GRIK2: variants seen among roughly 807,000 people sequenced by gnomAD.
GRIK2 encodes glutamate receptor ionotropic, kainate 2.
A neutral mutation model predicts 100.3 loss-of-function variants in GRIK2; 32 were observed. The ratio of observed to expected loss-of-function variants is 0.32; its 90% CI spans 0.24 to 0.43. GRIK2 has a LOEUF of 0.43. Among genes scored for constraint, GRIK2 ranks in the 20% least tolerant of loss-of-function variants. The probability of loss-of-function intolerance (pLI) is 1.00; values close to 1 mark genes in which losing one functional copy is unlikely to be tolerated. For synonymous variants in GRIK2, 417 were observed against 389.4 expected (o/e 1.07, Z -0.83); for missense variants, 843 against 1,114.9 (o/e 0.76, Z 3.47).
intron 7 of GRIK2, among the ~76,000 whole-genome samples, chr6:101,729,318 A>G (rs1775093128): frequency 6.6e-6 from 1 of 151,942 alleles, no homozygotes; most frequent in Non-Finnish European, 1.5e-5. Flanking sequence ...AGATCTACCT[A>G]TGTATCAATC....
intron 7 of GRIK2, among the ~76,000 whole-genome samples, chr6:101,712,923 A>G (rs1562328214): frequency 2.0e-5 from 3 of 151,810 alleles, no homozygotes; most frequent in African/African-American, 7.2e-5. Flanking sequence ...TAAAAAGTAG[A>G]GCTCTTCAAA....
intron 12 of GRIK2, among the ~76,000 whole-genome samples, chr6:101,910,338 G>T (rs1031727702): frequency 9.9e-5 from 15 of 150,958 alleles, no homozygotes; most frequent in Middle Eastern, 3.4e-3. Context: ...ATTTTGTTTG[G>T]TTTTTTTAAA....
At chr6:101,639,033 C>T (rs1209071834) in intron 4 of GRIK2, among the ~76,000 whole-genome samples, 2 of 151,966 alleles carry the variant, frequency 1.3e-5, no homozygotes, top group South Asian at 2.1e-4. Context: ...GACTTGTCCA[C>T]GTAAAAGTTC....
chr6:101,876,609 A>G (rs1007225837), intron 11 of GRIK2, among the ~76,000 whole-genome samples: 47 of 151,878 alleles, frequency 3.1e-4, no homozygotes, highest in African/African-American at 1.1e-3. Context: ...GCAAAGTTCA[A>G]AGAGAGCTTA....
chr6:101,846,465 G>T (rs1290963180), intron 10 of GRIK2, among the ~76,000 whole-genome samples: 3 of 151,962 alleles, frequency 2.0e-5, no homozygotes, highest in Admixed American at 6.6e-5. Flanking sequence ...AAGGGACATT[G>T]GTATGTAGTT....
intron 2 of GRIK2, among the ~76,000 whole-genome samples, chr6:101,533,485 A>G (rs910179721): frequency 4.0e-5 from 6 of 151,798 alleles, no homozygotes; most frequent in African/African-American, 1.2e-4. Context: ...TGGGAGAAAG[A>G]TTTTTTTTCA....
chr6:101,847,637 C>T (rs1359524368), intron 10 of GRIK2, among the ~76,000 whole-genome samples: 5 of 152,062 alleles, frequency 3.3e-5, no homozygotes, highest in Non-Finnish European at 7.4e-5. Flanking sequence ...TTGGGGCACT[C>T]CTTTACTGTT....
rs183210766 is a variant in GRIK2, at chr6:102,010,486, C to T, written c.2086-24855C>T. Reference sequence around the variant, plus strand: ...GCAACCTCCGCCTCCTGAATTCAAGCGATTCTTCTGCCTCAGCCTCCCCAG... The same window carrying T: ...GCAACCTCCGCCTCCTGAATTCAAGTGATTCTTCTGCCTCAGCCTCCCCAG... On this transcript the variant is annotated intron_variant, in intron 14 of 16. Coordinates refer to ENST00000369134, the MANE Select transcript of GRIK2 (RefSeq NM_021956.5). Among the ~76,000 whole-genome samples the T allele has an allele frequency of 4.4e-4, 67 of 151,972 alleles. No individual in the cohort carries two copies. In the East Asian group the frequency reaches 9.7e-3, roughly 22 times the overall value.
In GRIK2 at chr6:101,572,879, G is replaced by A. The variant is rs949229534; in HGVS notation, c.116-49070G>A. ...ATTTTCTGAGACAGAGTCTGTCTCC[G>A]TCATCCAGGCCCAGGCTGCACTGCA... On this transcript the variant is annotated intron_variant, in intron 2 of 16. Transcript: ENST00000369134. Among the ~76,000 whole-genome samples, 7 of 146,474 alleles carry A rather than the reference G, an allele frequency of 4.8e-5. No individual in the cohort carries two copies. In the East Asian group the frequency reaches 8.2e-4, roughly 17 times the overall value.
chr6:101,494,562 G>A (rs900708580), intron 2 of GRIK2, among the ~76,000 whole-genome samples: 6 of 151,822 alleles, frequency 4.0e-5, no homozygotes, highest in Admixed American at 2.0e-4. Context: ...CATTGTAGAC[G>A]ACTTGGAATA....
chr6:101,569,860 A>G (rs1161203679), intron 2 of GRIK2, among the ~76,000 whole-genome samples: 1 of 152,158 alleles, frequency 6.6e-6, no homozygotes, highest in Non-Finnish European at 1.5e-5. Flanking sequence ...TATTTTAAAT[A>G]CTATTGCTGG....
At chr6:101,436,401 G>A (rs567331465) in intron 2 of GRIK2, among the ~76,000 whole-genome samples, 1 of 151,804 alleles carries the variant, frequency 6.6e-6, no homozygotes, top group East Asian at 1.9e-4. Flanking sequence ...TAGTGACATT[G>A]TTAAAAAAAT....
chr6:101,866,909 T>C (rs2128446462), intron 11 of GRIK2, among the ~76,000 whole-genome samples: 1 of 151,960 alleles, frequency 6.6e-6, no homozygotes, highest in East Asian at 1.9e-4. Context: ...ATTGTGTGTG[T>C]GTGTGTGTGA....
At chr6:101,997,365 T>C (rs1794705690) in intron 14 of GRIK2, among the ~76,000 whole-genome samples, 1 of 152,144 alleles carries the variant, frequency 6.6e-6, no homozygotes, top group African/African-American at 2.4e-5. Context: ...GTATGTCCTT[T>C]ATCATGGTTA....
chr6:102,019,276 C>T (rs1330930366), intron 14 of GRIK2, among the ~76,000 whole-genome samples: 1 of 152,024 alleles, frequency 6.6e-6, no homozygotes, highest in Non-Finnish European at 1.5e-5. Context: ...GGAAAATCCT[C>T]ATAGCAAAGG....
intron 2 of GRIK2, among the ~76,000 whole-genome samples, chr6:101,485,416 T>C (rs1291550831): frequency 1.3e-5 from 2 of 152,188 alleles, no homozygotes; most frequent in Non-Finnish European, 2.9e-5. Flanking sequence ...TCTTTAACCT[T>C]CCAAGCATAA....
chr6:101,747,202 GGAAGAAT>G (rs1288257799), intron 7 of GRIK2, among the ~76,000 whole-genome samples: 2 of 152,146 alleles, frequency 1.3e-5, no homozygotes, highest in Non-Finnish European at 2.9e-5. Context: ...TTGAATGGGA[GGAAGAAT>G]TTTAACACTT....
chr6:101,993,126 T>C (rs1794458761), intron 14 of GRIK2: 1 of 151,390 alleles, frequency 6.6e-6, no homozygotes, highest in African/African-American at 2.4e-5. Context: ...TAACATTCTT[T>C]TCCTCTATCA....
rs1177704576 is a variant in GRIK2 at position 101,490,140 on chromosome 6, G to C, written c.115+90748G>C. On this transcript the variant is annotated intron_variant, in intron 2 of 16. Coordinates refer to ENST00000369134, the MANE Select transcript of GRIK2 (RefSeq NM_021956.5). Reference sequence around the variant, plus strand: ...ACTCTTTACAGAAGAATGAAACATAGACATACAGAGATATGTAATAAAAAT... The same window carrying C: ...ACTCTTTACAGAAGAATGAAACATACACATACAGAGATATGTAATAAAAAT... 1.4e-5 allele frequency among the ~76,000 whole-genome samples: 2 copies of C among 142,276 alleles called. 1 individual carries two copies. Among genetic ancestry groups the C allele is most frequent in the Non-Finnish European group, 3.0e-5 (2 of 65,976 alleles). The allele number at this position is 142,276 out of a possible 152,430, so 93.3% of individuals were successfully genotyped here.
Sources: allele counts gnomAD v4.1 joint callset (sites outside exome capture counted in the v4.1 genomes callset), GRCh38; gene constraint gnomAD v4.1.1; transcripts MANE v1.5; gene names NCBI Gene and HGNC (gene_info 2026-07-23, HGNC 2026-07-21).